Variants in USH2A observed in about 807,000 individuals in gnomAD.
The protein encoded by USH2A is Usher syndrome 2A (autosomal recessive, mild).
Under a neutral mutation model 538.9 loss-of-function variants are expected in USH2A, and 443 were observed. That is an observed-to-expected ratio of 0.82 (90% CI 0.76 to 0.89). The LOEUF (loss-of-function observed/expected upper bound fraction) is 0.89. USH2A is among the 40% of genes least tolerant of loss of function. The pLI is 0.00. For synonymous variants in USH2A, 2,413 were observed against 2,273.5 expected, an observed-to-expected ratio of 1.06 and a Z score of -1.75; for missense variants, 6,633 against 6,324.8, an observed-to-expected ratio of 1.05 and a Z score of -1.65.
At chr1:215,977,516 A>ATTAT (rs1558191465) in intron 35 of USH2A, among the ~76,000 whole-genome samples, 1 of 151,804 alleles carries the variant, frequency 6.6e-6, no homozygotes, top group African/African-American at 2.4e-5. Context: ...TAATTAATTA[A>ATTAT]TTTTTTTGGA....
At chr1:216,260,523 G>C (rs1429141701) in intron 11 of USH2A, among the ~76,000 whole-genome samples, 1 of 152,136 alleles carries the variant, frequency 6.6e-6, no homozygotes, top group African/African-American at 2.4e-5. Context: ...TGTAGCCAGG[G>C]ATTCTGCTAA....
intron 9 of USH2A, among the ~76,000 whole-genome samples, chr1:216,313,315 G>C (rs2037453905): frequency 6.6e-6 from 1 of 152,138 alleles, no homozygotes. Flanking sequence ...TGGCCCAGGG[G>C]TTGGGGACCC....
At chr1:215,787,394 G>A (rs1490483310) in intron 51 of USH2A, among the ~76,000 whole-genome samples, 1 of 152,138 alleles carries the variant, frequency 6.6e-6, no homozygotes, top group Non-Finnish European at 1.5e-5. Context: ...CCCATTAGAA[G>A]TATTACTGAT....
chr1:216,234,342 G>A (rs139116394), intron 13 of USH2A, among the ~76,000 whole-genome samples: 13 of 152,146 alleles, frequency 8.5e-5, no homozygotes, highest in African/African-American at 1.9e-4. Flanking sequence ...TTCAGTTGGC[G>A]GAAATCAACT....
intron 38 of USH2A, among the ~76,000 whole-genome samples, chr1:215,924,023 G>A (rs1458749042): frequency 6.6e-6 from 1 of 151,694 alleles, no homozygotes; most frequent in Non-Finnish European, 1.5e-5. Context: ...ACCACACCCA[G>A]CCCATTCGTT....
At chr1:216,327,560 T>C in intron 5 of USH2A, 31 bp downstream of exon 5, 1 of 1,611,126 alleles carries the variant, frequency 6.2e-7, no homozygotes, top group Non-Finnish European at 8.5e-7. Context: ...TCCTTTCGGT[T>C]CTTGAGGTTT....
intron 43 of USH2A, 58 bp downstream of exon 43, chr1:215,877,700 A>G: frequency 1.2e-6 from 2 of 1,610,074 alleles, no homozygotes; most frequent in South Asian, 1.1e-5. Context: ...ACTTTGAACT[A>G]TTCAACATGC....
chr1:215,697,742 A>C (rs1203654114), intron 61 of USH2A, among the ~76,000 whole-genome samples: 1 of 152,040 alleles, frequency 6.6e-6, no homozygotes, highest in Non-Finnish European at 1.5e-5. Context: ...GCTGGTCTTG[A>C]ACTCCCAACC....
At chr1:216,050,619 T>TC (rs1398624665) in intron 30 of USH2A, among the ~76,000 whole-genome samples, 5 of 138,302 alleles carry the variant, frequency 3.6e-5, no homozygotes, top group Admixed American at 7.3e-5. Context: ...TTTTTTTTTT[T>TC]TTTGAGACAG....
intron 55 of USH2A, 30 bp from the exon 56 acceptor site, chr1:215,766,818 A>T: frequency 6.3e-7 from 1 of 1,575,950 alleles, no homozygotes; most frequent in Non-Finnish European, 8.7e-7. Flanking sequence ...AATAAAGTGC[A>T]CCTTAAGAGG....
chr1:215,830,908 C>A (rs1663295738), intron 47 of USH2A, among the ~76,000 whole-genome samples: 1 of 152,144 alleles, frequency 6.6e-6, no homozygotes, highest in Admixed American at 6.5e-5. Context: ...TGAAGCTAAC[C>A]AGTTGGTAAC....
chr1:215,730,092 T>A (rs1659948711), intron 60 of USH2A, among the ~76,000 whole-genome samples: 1 of 152,190 alleles, frequency 6.6e-6, no homozygotes, highest in South Asian at 2.1e-4. Context: ...AAATGCATAC[T>A]CTTTTGGTAC....
intron 3 of USH2A, among the ~76,000 whole-genome samples, chr1:216,376,186 C>T (rs886181404): frequency 6.6e-6 from 1 of 152,032 alleles, no homozygotes; most frequent in African/African-American, 2.4e-5. Context: ...TTGCCTGAAG[C>T]AAGGTTGCCA....
intron 14 of USH2A, among the ~76,000 whole-genome samples, chr1:216,226,614 T>A (rs1405444333): frequency 6.6e-6 from 1 of 152,214 alleles, no homozygotes; most frequent in Non-Finnish European, 1.5e-5. Flanking sequence ...GACTTCTTCA[T>A]TGATCTTTCT....
chr1:216,405,511 G>A (rs1201575417), intron 3 of USH2A, among the ~76,000 whole-genome samples: 1 of 152,092 alleles, frequency 6.6e-6, no homozygotes, highest in Non-Finnish European at 1.5e-5. Context: ...TGGCTAAAAT[G>A]TTATTTTAAA....
At chr1:216,267,527 G>C (rs754668780) in intron 11 of USH2A, among the ~76,000 whole-genome samples, 3 of 152,032 alleles carry the variant, frequency 2.0e-5, no homozygotes, top group Non-Finnish European at 4.4e-5. Context: ...GAATGCTAGA[G>C]CACAGAGACA....
At chr1:215,648,025 A>G (rs919422743) in intron 66 of USH2A, among the ~76,000 whole-genome samples, 1 of 152,248 alleles carries the variant, frequency 6.6e-6, no homozygotes, top group African/African-American at 2.4e-5. Context: ...CCCTCTTTTA[A>G]GAGGAGAGAC....
At chr1:215,811,183 A>T (rs1392873958) in intron 49 of USH2A, among the ~76,000 whole-genome samples, 2 of 152,212 alleles carry the variant, frequency 1.3e-5, no homozygotes, top group South Asian at 2.1e-4. Context: ...GTTTAGTTTA[A>T]CTTCGAAACA....
chr1:216,345,047 T>A (rs765191115), intron 4 of USH2A, among the ~76,000 whole-genome samples: 1 of 151,914 alleles, frequency 6.6e-6, no homozygotes, highest in Non-Finnish European at 1.5e-5. Context: ...AAAAGATCCC[T>A]TCATGACAGA....
Sources: allele counts gnomAD v4.1 joint callset (sites outside exome capture counted in the v4.1 genomes callset), GRCh38; gene constraint gnomAD v4.1.1; transcripts MANE v1.5; gene names NCBI Gene and HGNC (gene_info 2026-07-23, HGNC 2026-07-21).